The following RYR3 variants were observed in gnomAD, a reference collection of about 807,000 sequenced individuals.
RYR3 encodes the protein brain ryanodine receptor-calcium release channel.
A neutral mutation model predicts 584.3 loss-of-function variants in RYR3; 207 were observed. That is an observed-to-expected ratio of 0.35 (90% CI 0.32 to 0.40). RYR3 has a LOEUF of 0.40. RYR3 is among the 10% of genes least tolerant of loss of function. The pLI, the probability that RYR3 is intolerant of heterozygous loss-of-function variation, is 1.00. For missense variants in RYR3, 5,616 were observed against 6,089.2 expected, an observed-to-expected ratio of 0.92 and a Z score of 2.59; for synonymous variants, 2,416 against 2,248.5, an observed-to-expected ratio of 1.07 and a Z score of -2.11.
At chr15:33,428,671 A>G (rs1318815025) in intron 1 of RYR3, among the ~76,000 whole-genome samples, 1 of 152,190 alleles carries the variant, frequency 6.6e-6, no homozygotes, top group Non-Finnish European at 1.5e-5. Flanking sequence ...ATCTAAGATT[A>G]CTTGATTCCT....
intron 54 of RYR3, 68 bp downstream of exon 54, chr15:33,748,328 C>G (rs1249400641): frequency 5.1e-6 from 8 of 1,579,170 alleles, no homozygotes; most frequent in Admixed American, 1.8e-5. Flanking sequence ...GAATGTTCTG[C>G]CTGGGGCATC....
At chr15:33,689,276 C>T (rs1470733292) in intron 38 of RYR3, among the ~76,000 whole-genome samples, 1 of 151,338 alleles carries the variant, frequency 6.6e-6, no homozygotes, top group African/African-American at 2.4e-5. Flanking sequence ...ATGTAAATGA[C>T]GAGTTGATGG....
chr15:33,547,840 A>G (rs1280761548), intron 8 of RYR3, among the ~76,000 whole-genome samples: 1 of 152,206 alleles, frequency 6.6e-6, no homozygotes, highest in African/African-American at 2.4e-5. Flanking sequence ...GACTCCTGAT[A>G]TAGAAATGGA....
intron 1 of RYR3, among the ~76,000 whole-genome samples, chr15:33,394,951 C>CA (rs34368099): frequency 0.11 from 16,505 of 148,858 alleles, 1,038 homozygotes; most frequent in South Asian, 0.28. Context: ...AATGCTGATG[C>CA]AAAAAAAAAC....
At chr15:33,655,401 A>G (rs1326359173) in intron 32 of RYR3, among the ~76,000 whole-genome samples, 1 of 152,196 alleles carries the variant, frequency 6.6e-6, no homozygotes, top group Non-Finnish European at 1.5e-5. Context: ...TTTTAAGACT[A>G]GCTGATCTTT....
rs949867648 is a variant in RYR3, at chr15:33,854,731, A to C, written c.13861-35A>C. On this transcript the variant is annotated intron_variant, in intron 97 of 103. Transcript: ENST00000634891. ...TTTATAATGAGCACACTATGAGGCA[A>C]ACATGCTTAAAAGTCTGCTTTCTTC... The C allele has an allele frequency of 3.2e-6, 5 of 1,577,612 alleles. No individual in the cohort carries two copies. The African/African-American group carries it at 5.5e-5, about 17-fold the overall frequency.
intron 74 of RYR3, among the ~76,000 whole-genome samples, chr15:33,816,304 C>T (rs1005888792): frequency 4.6e-5 from 7 of 152,312 alleles, no homozygotes; most frequent in African/African-American, 7.2e-5. Flanking sequence ...AGAATCCATG[C>T]GGCACACAGA....
rs1161612308 is a variant in RYR3, at chr15:33,473,439, G to A, written c.72G>A (p.Gln24=). Residue 24 remains glutamine (Q), a synonymous_variant, in exon 2 of 104, where the codon CAG becomes CAA. Coordinates refer to ENST00000634891, the MANE Select transcript of RYR3 (RefSeq NM_001036.6). ...GGCAGGAGGATGAAGTGGTACTCCA[G>A]TGCATCGCCACCATTCATAAGGAGC... ...FLRTEDEVVL[Q]CIATIHKEQR... The A allele has an allele frequency of 1.2e-6, 2 of 1,613,920 alleles. No homozygotes were observed. The highest frequency in any genetic ancestry group is 1.1e-5 in the South Asian group (1 of 91,074).
intron 24 of RYR3, 95 bp downstream of exon 24, chr15:33,633,203 G>A (rs1394865627): frequency 9.0e-6 from 12 of 1,329,116 alleles, no homozygotes; most frequent in Non-Finnish European, 1.1e-5. Flanking sequence ...AGAAGGAAGA[G>A]TTTGCCTTTG....
intron 43 of RYR3, among the ~76,000 whole-genome samples, chr15:33,714,477 C>T (rs1022962837): frequency 2.6e-5 from 4 of 152,062 alleles, no homozygotes; most frequent in Admixed American, 6.6e-5. Context: ...GTAATGAAGT[C>T]GTTAAGCTTC....
intron 16 of RYR3, among the ~76,000 whole-genome samples, chr15:33,589,386 A>G (rs2059015458): frequency 6.6e-6 from 1 of 152,128 alleles, no homozygotes. Context: ...TAGTTGGCAG[A>G]TATTTTCTCC....
chr15:33,422,921 T>C (rs897648553), intron 1 of RYR3, among the ~76,000 whole-genome samples: 3 of 152,238 alleles, frequency 2.0e-5, no homozygotes, highest in African/African-American at 7.2e-5. Context: ...GTTGCATTTA[T>C]TCCCTCTTGT....
At chr15:33,603,846 A>ATTATG (rs1487088105) in intron 18 of RYR3, among the ~76,000 whole-genome samples, 3 of 152,272 alleles carry the variant, frequency 2.0e-5, no homozygotes, top group African/African-American at 7.2e-5. Context: ...TAATCTTGTC[A>ATTATG]ACACAGCCTG....
At chr15:33,546,103 A>C (rs540091023) in intron 8 of RYR3, among the ~76,000 whole-genome samples, 1 of 152,318 alleles carries the variant, frequency 6.6e-6, no homozygotes, top group Admixed American at 6.5e-5. Context: ...AACAAGAACA[A>C]GTTGTTTCAA....
chr15:33,859,955 C>G (rs2080153092), intron 100 of RYR3, among the ~76,000 whole-genome samples: 1 of 152,156 alleles, frequency 6.6e-6, no homozygotes, highest in Non-Finnish European at 1.5e-5. Flanking sequence ...ACAGAGGAAC[C>G]CCTTCCTTCT....
rs779006493 is a variant in RYR3 at position 33,662,714 on chromosome 15, C to T, written c.5184C>T (p.Leu1728=). 49 of 1,614,036 alleles carry T rather than the reference C, an allele frequency of 3.0e-5. No homozygotes were observed. Among genetic ancestry groups the T allele is most frequent in the Non-Finnish European group, 4.2e-5 (49 of 1,180,036 alleles). Residue 1728 remains leucine, a synonymous_variant, in exon 35 of 104, where the codon CTC becomes CTT. Coordinates refer to ENST00000634891, the MANE Select transcript of RYR3 (RefSeq NM_001036.6). The part of the protein sequence containing the change: ...VEFQFVPVLK[L]IGTLLVMGVF... ...TCCAGTTTGTGCCTGTGCTGAAACT[C>T]ATTGGAACCCTGCTGGTCATGGGCG...
intron 10 of RYR3, among the ~76,000 whole-genome samples, chr15:33,556,778 C>G (rs1193335491): frequency 6.6e-6 from 1 of 151,452 alleles, no homozygotes; most frequent in Non-Finnish European, 1.5e-5. Context: ...CCCTTCACTC[C>G]TCTCTCCCCT....
At chr15:33,777,654 C>T (rs2074085316) in intron 64 of RYR3, among the ~76,000 whole-genome samples, 1 of 152,006 alleles carries the variant, frequency 6.6e-6, no homozygotes, top group Non-Finnish European at 1.5e-5. Flanking sequence ...GGGCCAGTCC[C>T]CTGAGTCAAC....
intron 1 of RYR3, among the ~76,000 whole-genome samples, chr15:33,376,018 C>T (rs367750732): frequency 9.2e-5 from 14 of 152,268 alleles, no homozygotes; most frequent in African/African-American, 2.4e-4. Context: ...GAGCCGAGAT[C>T]GCGCCACTGC....
Sources: gnomAD v4.1 joint callset for allele counts (sites outside exome capture counted in the v4.1 genomes callset) on GRCh38, gnomAD v4.1.1 for gene constraint, MANE v1.5 for transcripts, NCBI Gene and HGNC (gene_info 2026-07-23, HGNC 2026-07-21) for gene names.